The following CDH8 variants were observed in gnomAD, a reference collection of about 807,000 sequenced individuals.
CDH8 encodes the protein cadherin 8.
In CDH8, 17 loss-of-function variants were observed where a neutral mutation model predicts 68.1. That is an observed-to-expected ratio of 0.25 (90% CI 0.17 to 0.37). The LOEUF (loss-of-function observed/expected upper bound fraction) is 0.37, where lower values mean the gene tolerates loss of function less well. Among genes scored for constraint, CDH8 ranks in the 10% least tolerant of loss-of-function variants. CDH8 has a pLI of 1.00. For synonymous variants in CDH8, 372 were observed against 365.1 expected (o/e 1.02, Z -0.21); for missense variants, 763 against 999.3 (o/e 0.76, Z 3.19).
In CDH8 at chr16:61,866,316, T is replaced by C. The variant is rs569665000; in HGVS notation, c.548-9078A>G. On this transcript the variant is annotated intron_variant, in intron 3 of 11. Transcript: ENST00000577390. ...ATGGCTATTTGCACAGTATATACTA[T>C]ATGCCAAGCACCAACTTAGATGCAA... Among the ~76,000 whole-genome samples, 6 of 152,226 alleles carry C rather than the reference T, an allele frequency of 3.9e-5. No homozygotes were observed. In the South Asian group the frequency reaches 1.2e-3, roughly 32 times the overall value.
chr16:61,903,820 A>T (rs1179306591), intron 2 of CDH8, among the ~76,000 whole-genome samples: 1 of 152,200 alleles, frequency 6.6e-6, no homozygotes, highest in African/African-American at 2.4e-5. Context: ...CTATTAAGTG[A>T]CCATTTTTAC....
chr16:61,861,560 T>C (rs1050473683), intron 3 of CDH8, among the ~76,000 whole-genome samples: 4 of 152,230 alleles, frequency 2.6e-5, no homozygotes, highest in Non-Finnish European at 5.9e-5. Context: ...GCTTTTCATA[T>C]GCAAAGACAA....
chr16:61,713,793 A>G, intron 10 of CDH8, 48 bp downstream of exon 10: 3 of 1,008,766 alleles, frequency 3.0e-6, no homozygotes, highest in Non-Finnish European at 4.6e-6. Context: ...ATTGCATCCT[A>G]TTTTCCAATT....
intron 2 of CDH8, among the ~76,000 whole-genome samples, chr16:61,998,638 G>A (rs1404725351): frequency 6.6e-6 from 1 of 152,132 alleles, no homozygotes; most frequent in East Asian, 1.9e-4. Context: ...CCCACTATAT[G>A]TTTGGCATTA....
At chr16:61,881,056 T>C (rs1380704966) in intron 3 of CDH8, among the ~76,000 whole-genome samples, 2 of 152,142 alleles carry the variant, frequency 1.3e-5, no homozygotes, top group African/African-American at 4.8e-5. Flanking sequence ...AACTGGATTC[T>C]TGCCCAGTCG....
chr16:61,779,425 ATGTGTG>A lies in CDH8; in HGVS notation c.1414+9915_1414+9920del, dbSNP rs10539934. On this transcript the variant is annotated intron_variant, in intron 8 of 11. Transcript: ENST00000577390. ...TATTGTCAAATTTTAATGTTCGTTTATGTGTGTGTGTGTGTGTGTGTGTGTGTGTGT... is the reference window on the plus strand; with the variant it reads ...TATTGTCAAATTTTAATGTTCGTTTATGTGTGTGTGTGTGTGTGTGTGTGT... Among the ~76,000 whole-genome samples the A allele has an allele frequency of 7.5e-3, 1,045 of 139,076 alleles. 12 individuals are homozygous for A. The highest frequency in any genetic ancestry group is 0.025 in the South Asian group (104 of 4,146). 91.2% of individuals were successfully genotyped at this position (139,076 alleles called of 152,430 possible). A position where few individuals can be genotyped will look rare whatever the true frequency, so the allele number is the denominator to read the frequency against.
chr16:61,843,086 C>A (rs1294972286), intron 4 of CDH8, among the ~76,000 whole-genome samples: 3 of 152,070 alleles, frequency 2.0e-5, no homozygotes, highest in Non-Finnish European at 4.4e-5. Flanking sequence ...GGTCTGAACA[C>A]ACAGCCTGGA....
intron 1 of CDH8, among the ~76,000 whole-genome samples, chr16:62,029,413 G>C (rs559335558): frequency 6.6e-6 from 1 of 151,962 alleles, no homozygotes; most frequent in African/African-American, 2.4e-5. Context: ...AACCAGGGTG[G>C]GTATAAATAA....
intron 2 of CDH8, among the ~76,000 whole-genome samples, chr16:61,961,596 G>A (rs929099096): frequency 4.6e-5 from 7 of 152,090 alleles, no homozygotes; most frequent in Admixed American, 2.6e-4. Context: ...TCCTCTTCAC[G>A]GAAGAATCTT....
intron 2 of CDH8, among the ~76,000 whole-genome samples, chr16:61,973,260 C>T (rs924314758): frequency 2.0e-5 from 3 of 152,222 alleles, no homozygotes; most frequent in Non-Finnish European, 4.4e-5. Flanking sequence ...CATCCACTTC[C>T]ACTTAATGAA....
intron 2 of CDH8, among the ~76,000 whole-genome samples, chr16:62,018,947 G>A (rs972807733): frequency 1.3e-5 from 2 of 152,092 alleles, no homozygotes; most frequent in Non-Finnish European, 2.9e-5. Flanking sequence ...ATCAGTTATC[G>A]GATTCTGAGT....
chr16:61,736,691 T>A (rs1959696681), intron 8 of CDH8, among the ~76,000 whole-genome samples: 1 of 152,180 alleles, frequency 6.6e-6, no homozygotes, highest in South Asian at 2.1e-4. Context: ...CATATTTAAA[T>A]ACTGAAGATT....
At chr16:61,801,078 C>G (rs951082087) in intron 7 of CDH8, among the ~76,000 whole-genome samples, 1 of 151,814 alleles carries the variant, frequency 6.6e-6, no homozygotes, top group East Asian at 1.9e-4. Flanking sequence ...GTTTTGTTCC[C>G]TAGAGAATAC....
intron 2 of CDH8, among the ~76,000 whole-genome samples, chr16:61,945,111 A>G (rs1964780914): frequency 6.6e-6 from 1 of 152,076 alleles, no homozygotes. Context: ...TGAGTCTGAC[A>G]CTCCTGAGTT....
At chr16:61,768,386 C>G (rs5010223) in intron 8 of CDH8, among the ~76,000 whole-genome samples, 1 of 86,758 alleles carries the variant, frequency 1.2e-5, no homozygotes, top group South Asian at 4.0e-4. Context: ...CTCTCTCTCT[C>G]TCTCTCTCCC....
intron 2 of CDH8, among the ~76,000 whole-genome samples, chr16:62,000,002 C>T (rs1965870060): frequency 6.6e-6 from 1 of 151,820 alleles, no homozygotes; most frequent in Non-Finnish European, 1.5e-5. Context: ...TGATGTTCCT[C>T]TCCCTGTGTC....
rs747715018 is a variant in CDH8, at chr16:61,960,346, CATGT to C, written c.253-58877_253-58874del. The stretch of plus-strand genomic sequence containing the variant: ...GTGTGTGTGTATACACACATATATA[CATGT>C]GTGTGTGTATACACATACATATATA... On this transcript the variant is annotated intron_variant, in intron 2 of 11. Transcript: ENST00000577390. 4.0e-4 allele frequency among the ~76,000 whole-genome samples: 23 copies of C among 58,010 alleles called. 4 individuals carry two copies. Among genetic ancestry groups the C allele is most frequent in the South Asian group, 1.0e-3 (2 of 1,930 alleles). The allele number at this position is 58,010 out of a possible 152,430, so 38.1% of individuals were successfully genotyped here.
intron 8 of CDH8, among the ~76,000 whole-genome samples, chr16:61,764,454 C>T (rs561911528): frequency 1.3e-5 from 2 of 152,170 alleles, no homozygotes; most frequent in South Asian, 4.2e-4. Context: ...TAATTACTAC[C>T]ATCTATATGA....
intron 2 of CDH8, among the ~76,000 whole-genome samples, chr16:61,916,071 G>A (rs529536639): frequency 1.3e-5 from 2 of 152,290 alleles, no homozygotes; most frequent in South Asian, 2.1e-4. Context: ...CACTGATTCA[G>A]TACATAACAG....
Sources: allele counts gnomAD v4.1 joint callset (sites outside exome capture counted in the v4.1 genomes callset), GRCh38; gene constraint gnomAD v4.1.1; transcripts MANE v1.5; gene names NCBI Gene and HGNC (gene_info 2026-07-23, HGNC 2026-07-21).